The following ZNF664 variants were observed in gnomAD, a reference collection of about 807,000 sequenced individuals.
ZNF664 encodes zinc finger protein 664.
Under a neutral mutation model 18.2 loss-of-function variants are expected in ZNF664, and 10 were observed. The observed-to-expected ratio is 0.55, with a 90% CI of 0.34 to 0.93. ZNF664 has a LOEUF of 0.93. Among genes scored for constraint, ZNF664 ranks in the 40% least tolerant of loss-of-function variants. ZNF664 has a pLI of 0.02. For synonymous variants in ZNF664, 119 were observed against 104.2 expected (o/e 1.14, Z -0.86); for missense variants, 193 against 319.0 (o/e 0.61, Z 3.01).
At chr12:123,983,072 T>C (rs186990452) in intron 2 of ZNF664, among the ~76,000 whole-genome samples, 90 of 152,192 alleles carry the variant, frequency 5.9e-4, no homozygotes, top group Admixed American at 1.9e-3. Flanking sequence ...GGAGCATCAC[T>C]GGAAGGCAGG....
chr12:123,975,155 C>T (rs1209008094), intron 2 of ZNF664, among the ~76,000 whole-genome samples: 2 of 151,914 alleles, frequency 1.3e-5, no homozygotes, highest in Non-Finnish European at 2.9e-5. Context: ...TGATACAGTG[C>T]GTATGTGTTG....
chr12:123,973,592 G>A (rs868401939), intron 1 of ZNF664: 1 of 375,996 alleles, frequency 2.7e-6, no homozygotes, highest in Non-Finnish European at 3.7e-6. Context: ...CCGCGGGCCC[G>A]CAGTGCGGGG....
intron 3 of ZNF664, among the ~76,000 whole-genome samples, chr12:123,995,575 G>A (rs562086512): frequency 2.3e-4 from 34 of 150,824 alleles, no homozygotes; most frequent in African/African-American, 8.2e-4. Context: ...GGAGGTGGGC[G>A]GAGATGGGTG....
chr12:123,982,171 G>A (rs1021280304), intron 2 of ZNF664, among the ~76,000 whole-genome samples: 1 of 152,168 alleles, frequency 6.6e-6, no homozygotes, highest in South Asian at 2.1e-4. Flanking sequence ...TAGGCAGAGT[G>A]GTGCCCTTTC....
rs1437918291 is a variant in ZNF664, at chr12:124,011,583, C to T, written c.-562C>T. ...TACCCATGTAGGGAATTCCCCAAAG[C>T]AGGGCTTGCCATACCTGGACCCCGA... On this transcript the variant is annotated 5_prime_UTR_variant, in exon 5 of 5. Transcript: ENST00000337815. 1.7e-5 allele frequency: 17 copies of T among 988,430 alleles called. No individual in the cohort carries two copies. Among genetic ancestry groups the T allele is most frequent in the Non-Finnish European group, 2.0e-5 (17 of 832,426 alleles). 61.2% of individuals were successfully genotyped at this position (988,430 alleles called of 1,614,324 possible).
intron 3 of ZNF664, among the ~76,000 whole-genome samples, chr12:124,005,711 C>T (rs1957065486): frequency 6.6e-6 from 1 of 152,234 alleles, no homozygotes; most frequent in Non-Finnish European, 1.5e-5. Context: ...CTCCATCTCA[C>T]ATCCCCCGTC....
At chr12:123,988,358 T>C (rs1167907738) in intron 3 of ZNF664, among the ~76,000 whole-genome samples, 1 of 152,214 alleles carries the variant, frequency 6.6e-6, no homozygotes, top group Non-Finnish European at 1.5e-5. Flanking sequence ...TCAGAAACAT[T>C]TTTGTCCAAC....
At chr12:123,973,426 G>A in intron 1 of ZNF664, 74 bp downstream of exon 1, 1 of 905,076 alleles carries the variant, frequency 1.1e-6, no homozygotes, top group Non-Finnish European at 1.3e-6. Flanking sequence ...GCCAGGGAGC[G>A]GGCTGGGGGT....
intron 2 of ZNF664, among the ~76,000 whole-genome samples, chr12:123,985,196 T>A (rs1448966962): frequency 6.6e-6 from 1 of 152,196 alleles, no homozygotes; most frequent in South Asian, 2.1e-4. Flanking sequence ...ATGTCACTTA[T>A]CTGTGCATAT....
At chr12:123,975,245 T>G (rs1831980511) in intron 2 of ZNF664, among the ~76,000 whole-genome samples, 1 of 152,202 alleles carries the variant, frequency 6.6e-6, no homozygotes, top group African/African-American at 2.4e-5. Flanking sequence ...TCATTTATAT[T>G]TTTTGACCAG....
intron 3 of ZNF664, among the ~76,000 whole-genome samples, chr12:123,991,945 A>G (rs1956893806): frequency 1.3e-5 from 2 of 152,220 alleles, no homozygotes; most frequent in South Asian, 4.1e-4. Flanking sequence ...TTAAAGAAAA[A>G]TCAGACACAG....
intron 3 of ZNF664, among the ~76,000 whole-genome samples, chr12:124,001,695 AT>A (rs1957014363): frequency 6.6e-6 from 1 of 152,242 alleles, no homozygotes; most frequent in African/African-American, 2.4e-5. Flanking sequence ...GCTTTGGAGC[AT>A]TTCACATAGA....
rs1286064490 is a variant in ZNF664 at position 124,014,398 on chromosome 12, CTTTT to C, written c.*1472_*1475del. 6.0e-6 allele frequency: 1 copy of C among 166,886 alleles called. No individual in the cohort carries two copies. The highest frequency in any genetic ancestry group is 1.5e-5 in the Non-Finnish European group (1 of 68,118). The allele number at this position is 166,886 out of a possible 1,614,324, so 10.3% of individuals were successfully genotyped here. The stretch of plus-strand genomic sequence containing the variant: ...GGTCAGTATCCTGACTTTCAGAGGC[CTTTT>C]TTTGTTTGTTTTAATTTTTGCTAGA... On this transcript the variant is annotated 3_prime_UTR_variant, in exon 5 of 5. Transcript: ENST00000337815.
chr12:124,004,537 C>A (rs1291133336), intron 3 of ZNF664, among the ~76,000 whole-genome samples: 1 of 152,190 alleles, frequency 6.6e-6, no homozygotes, highest in Non-Finnish European at 1.5e-5. Flanking sequence ...CTGTTGTATT[C>A]TTTCTTACGG....
intron 3 of ZNF664, among the ~76,000 whole-genome samples, chr12:124,007,479 C>CCCTGCAGCCACTGCCTTCG (rs373254353): frequency 2.6e-5 from 4 of 152,202 alleles, no homozygotes; most frequent in East Asian, 1.9e-4. Flanking sequence ...CTTGTCGCTG[C>CCCTGCAGCCACTGCCTTCG]CCTGCAGCCA....
chr12:123,987,764 C>T (rs1028550417), intron 2 of ZNF664, among the ~76,000 whole-genome samples: 2 of 152,158 alleles, frequency 1.3e-5, no homozygotes, highest in Non-Finnish European at 2.9e-5. Context: ...TGGTTCCCAT[C>T]ACGAGGCTAA....
At chr12:123,994,993 A>G (rs1038154503) in intron 3 of ZNF664, among the ~76,000 whole-genome samples, 1 of 152,230 alleles carries the variant, frequency 6.6e-6, no homozygotes, top group African/African-American at 2.4e-5. Flanking sequence ...CTAGGGGGCA[A>G]AGAACATCTG....
In ZNF664 at chr12:124,012,143, A is replaced by G; in HGVS notation, c.-2A>G. The G allele has an allele frequency of 1.9e-6, 3 of 1,597,250 alleles. No individual in the cohort carries two copies. The highest frequency in any genetic ancestry group is 2.6e-6 in the Non-Finnish European group (3 of 1,175,006). On this transcript the variant is annotated 5_prime_UTR_variant, in exon 5 of 5. Transcript: ENST00000337815. The stretch of plus-strand genomic sequence containing the variant: ...TTGAAATCACGATACCAAATAGGAA[A>G]AATGATCTACAAGTGCCCCATGTGT...
At chr12:124,009,051 A>C (rs1395740266) in intron 3 of ZNF664, among the ~76,000 whole-genome samples, 1 of 152,178 alleles carries the variant, frequency 6.6e-6, no homozygotes, top group African/African-American at 2.4e-5. Context: ...TCTAAGTCAA[A>C]TTTTATATTA....
Sources: gnomAD v4.1 joint callset for allele counts (sites outside exome capture counted in the v4.1 genomes callset) on GRCh38, gnomAD v4.1.1 for gene constraint, MANE v1.5 for transcripts, NCBI Gene and HGNC (gene_info 2026-07-23, HGNC 2026-07-21) for gene names.